The following HOOK3 variants were observed in gnomAD, a reference collection of about 807,000 sequenced individuals.
HOOK3 encodes protein Hook homolog 3.
HOOK3 carries 24 observed loss-of-function variants against 116.3 expected under a neutral mutation model. The ratio of observed to expected loss-of-function variants is 0.21; its 90% CI spans 0.15 to 0.29. The LOEUF is 0.29. Among genes scored for constraint, HOOK3 ranks in the 10% least tolerant of loss-of-function variants. The pLI is 1.00. For missense variants in HOOK3, 632 were observed against 830.2 expected (o/e 0.76, Z 2.93); for synonymous variants, 275 against 283.0 (o/e 0.97, Z 0.28).
intron 2 of HOOK3, among the ~76,000 whole-genome samples, chr8:42,914,165 G>A (rs1223223119): frequency 6.6e-6 from 1 of 152,076 alleles, no homozygotes; most frequent in Non-Finnish European, 1.5e-5. Flanking sequence ...TTTTCCTAAA[G>A]CCCTATAATT....
Position 43,018,487 on chromosome 8 carries a change from A to C in HOOK3, c.2146A>C (p.Thr716Pro). Residue 716 changes from threonine (T) to proline (P), a missense_variant, in exon 22 of 22, where the codon ACA becomes CCA. Thr to Pro is a conservative substitution (Grantham distance 38, BLOSUM62 -1). This residue lies in a region of HOOK3 where 483 missense variants were observed against 648.1 expected (regional missense o/e 0.75). Coordinates refer to ENST00000307602, the MANE Select transcript of HOOK3 (RefSeq NM_032410.4). ...ATACCCAGGCCACGTGCAGCCGGCC[A>C]CAGCAAGGTAGAGAAGTTGTGCCGC... The part of the protein sequence containing the change: ...RSYPGHVQPA[T>P]AR 1 of 1,611,028 alleles carries C rather than the reference A, an allele frequency of 6.2e-7. No individual in the cohort carries two copies. Among genetic ancestry groups the C allele is most frequent in the Non-Finnish European group, 8.5e-7 (1 of 1,179,102 alleles).
chr8:42,947,156 A>G (rs1053041592), intron 5 of HOOK3, among the ~76,000 whole-genome samples: 2 of 152,182 alleles, frequency 1.3e-5, no homozygotes, highest in Non-Finnish European at 2.9e-5. Context: ...TGATCTATGT[A>G]TATTCCTGGA....
intron 14 of HOOK3, among the ~76,000 whole-genome samples, chr8:42,983,831 G>A (rs1808997926): frequency 6.6e-6 from 1 of 152,118 alleles, no homozygotes; most frequent in Admixed American, 6.6e-5. Context: ...AAAAATAAGT[G>A]GGGGAGACAC....
At chr8:42,986,016 G>T (rs1014103924) in intron 14 of HOOK3, among the ~76,000 whole-genome samples, 16 of 152,158 alleles carry the variant, frequency 1.1e-4, no homozygotes, top group African/African-American at 3.4e-4. Flanking sequence ...GTAAAGAAAA[G>T]AATGAATTAT....
intron 2 of HOOK3, among the ~76,000 whole-genome samples, chr8:42,917,883 A>G (rs1035238790): frequency 2.0e-5 from 3 of 152,182 alleles, no homozygotes; most frequent in African/African-American, 7.2e-5. Flanking sequence ...ATGGATGTGA[A>G]ATTTTATCAT....
intron 4 of HOOK3, among the ~76,000 whole-genome samples, chr8:42,940,749 A>G (rs567898502): frequency 3.9e-5 from 6 of 152,042 alleles, no homozygotes; most frequent in African/African-American, 1.4e-4. Context: ...TTCTTGAGGA[A>G]TATCTTTGTG....
chr8:42,975,808 C>T (rs757307526), intron 13 of HOOK3, among the ~76,000 whole-genome samples: 3 of 152,142 alleles, frequency 2.0e-5, no homozygotes, highest in Non-Finnish European at 4.4e-5. Flanking sequence ...CAGGTTCAAG[C>T]GATACTCCTG....
At chr8:43,006,808 G>A (rs761708654) in intron 17 of HOOK3, among the ~76,000 whole-genome samples, 6 of 151,982 alleles carry the variant, frequency 3.9e-5, no homozygotes, top group Admixed American at 6.6e-5. Context: ...AAGACGTAAA[G>A]TGCTTTTTTT....
chr8:42,902,416 C>T (rs868406407), intron 1 of HOOK3, among the ~76,000 whole-genome samples: 1 of 151,952 alleles, frequency 6.6e-6, no homozygotes, highest in Non-Finnish European at 1.5e-5. Context: ...GGACTACAGG[C>T]GTGACCCACC....
intron 14 of HOOK3, among the ~76,000 whole-genome samples, chr8:42,983,435 C>T (rs1410473778): frequency 1.3e-5 from 2 of 151,738 alleles, no homozygotes; most frequent in African/African-American, 2.4e-5. Flanking sequence ...CTTAACTATT[C>T]TTCCCTCAAT....
chr8:42,934,567 C>T (rs1807930165), intron 4 of HOOK3, among the ~76,000 whole-genome samples: 1 of 152,002 alleles, frequency 6.6e-6, no homozygotes, highest in South Asian at 2.1e-4. Flanking sequence ...CACCAGGCCC[C>T]AGTGGGTGAT....
At chr8:42,912,898 C>T (rs1807459555) in intron 2 of HOOK3, among the ~76,000 whole-genome samples, 2 of 152,282 alleles carry the variant, frequency 1.3e-5, no homozygotes, top group East Asian at 1.9e-4. Flanking sequence ...CTCTGTGTTC[C>T]GCCTATTTAT....
At chr8:42,933,169 G>C (rs1451794192) in intron 4 of HOOK3, among the ~76,000 whole-genome samples, 2 of 152,170 alleles carry the variant, frequency 1.3e-5, no homozygotes. Flanking sequence ...TATGAAACAT[G>C]TTGTAGGACA....
Position 42,925,582 on chromosome 8 carries a change from T to C in HOOK3, c.169T>C (p.Trp57Arg). The change falls in exon 3 of 22, where the codon TGG (tryptophan) becomes CGG (arginine). Residue 57 changes from tryptophan (W) to arginine (R), a missense_variant. By Grantham distance (101) the Trp-to-Arg change is moderately radical (BLOSUM62 -3). Coordinates refer to ENST00000307602, the MANE Select transcript of HOOK3 (RefSeq NM_032410.4). ...KIDPAYFDEN[W>R]LNRIKTEVGD... ...AGATCCTGCATATTTTGATGAAAAT[T>C]GGCTAAACAGAATCAAAACTGAAGT... The C allele has an allele frequency of 1.2e-6, 2 of 1,606,186 alleles. No individual in the cohort carries two copies. The highest frequency in any genetic ancestry group is 1.7e-6 in the Non-Finnish European group (2 of 1,175,608).
intron 21 of HOOK3, among the ~76,000 whole-genome samples, chr8:43,017,784 GCGATC>G (rs1171398434): frequency 1.3e-5 from 2 of 152,060 alleles, no homozygotes; most frequent in East Asian, 3.9e-4. Context: ...AAGTTAGTAG[GCGATC>G]CTTCTCCTGT....
chr8:42,929,963 T>TTGA (rs901394813), intron 3 of HOOK3, among the ~76,000 whole-genome samples, 159 bp from the exon 4 acceptor site: 25 of 152,166 alleles, frequency 1.6e-4, no homozygotes, highest in Admixed American at 1.6e-3. Flanking sequence ...GTAGTACTTT[T>TTGA]TGATGATGAT....
At chr8:42,978,602 CAG>C (rs1222256223) in intron 13 of HOOK3, among the ~76,000 whole-genome samples, 2 of 151,978 alleles carry the variant, frequency 1.3e-5, no homozygotes, top group Non-Finnish European at 2.9e-5. Flanking sequence ...TTAGTAGAAA[CAG>C]GGTTTCACCA....
chr8:42,949,101 G>T (rs1214920334), intron 5 of HOOK3, among the ~76,000 whole-genome samples: 3 of 152,190 alleles, frequency 2.0e-5, no homozygotes, highest in Non-Finnish European at 4.4e-5. Flanking sequence ...TGTCAAAAGA[G>T]TACTTTGACA....
At chr8:42,991,932 A>G (rs35823486) in intron 15 of HOOK3, among the ~76,000 whole-genome samples, 7,279 of 152,154 alleles carry the variant, frequency 0.048, 230 homozygotes, top group South Asian at 0.086. Context: ...ATGAACATAG[A>G]ATATCTTTCC....
Sources: gnomAD v4.1 joint callset for allele counts (sites outside exome capture counted in the v4.1 genomes callset) on GRCh38, gnomAD v4.1.1 for gene constraint, gnomAD v4.1.1 regional missense constraint, MANE v1.5 for transcripts, NCBI Gene and HGNC (gene_info 2026-07-23, HGNC 2026-07-21) for gene names.